ZDHHC15: variants seen among roughly 807,000 people sequenced by gnomAD.
ZDHHC15 encodes palmitoyltransferase ZDHHC15.
ZDHHC15 carries 19 observed loss-of-function variants against 31.7 expected under a neutral mutation model. The observed-to-expected ratio is 0.60, with a 90% CI of 0.42 to 0.88. ZDHHC15 has a LOEUF of 0.88. Among genes scored for constraint, ZDHHC15 ranks in the 40% least tolerant of loss-of-function variants. The pLI, the probability that ZDHHC15 is intolerant of heterozygous loss-of-function variation, is 0.00. For synonymous variants in ZDHHC15, 103 were observed against 90.0 expected (o/e 1.14, Z -0.82); for missense variants, 209 against 251.2 (o/e 0.83, Z 1.14).
At chrX:75,474,663 G>T (rs1011915823) in intron 3 of ZDHHC15, among the ~76,000 whole-genome samples, 8 of 91,597 alleles carry the variant, frequency 8.7e-5, no homozygotes, top group African/African-American at 3.0e-4. Context: ...GATCATTGAG[G>T]TATCTTCTTT....
chrX:75,457,645 T>TCACA (rs35992807), intron 3 of ZDHHC15, among the ~76,000 whole-genome samples: 10,034 of 93,796 alleles, frequency 0.11, 526 homozygotes, highest in African/African-American at 0.19. Context: ...TTATTTACAC[T>TCACA]CACACACACA....
chrX:75,449,348 G>T lies in ZDHHC15; in HGVS notation c.379+1454C>A, dbSNP rs749162090. Among the ~76,000 whole-genome samples the T allele has an allele frequency of 8.1e-5, 9 of 110,471 alleles. No individual in the cohort carries two copies. In the East Asian group the frequency reaches 2.3e-3, roughly 28 times the overall value. The stretch of plus-strand genomic sequence containing the variant: ...CTTCAAATAGTATTTCCTCAGAGAA[G>T]CCTTTCCTATTACTGCCTATCCTGG... On this transcript the variant is annotated intron_variant, in intron 4 of 11. Transcript: ENST00000373367.
chrX:75,456,008 T>C (rs1452140156), intron 3 of ZDHHC15, among the ~76,000 whole-genome samples: 2 of 111,429 alleles, frequency 1.8e-5, no homozygotes, highest in Non-Finnish European at 3.8e-5. Context: ...ACTGGGTATA[T>C]ACCCAAAGGT....
At chrX:75,474,864 T>A (rs1291079157) in intron 3 of ZDHHC15, among the ~76,000 whole-genome samples, 1 of 109,794 alleles carries the variant, frequency 9.1e-6, no homozygotes. Flanking sequence ...GAGACCATCC[T>A]GGCTAACACG....
chrX:75,454,637 G>C (rs1020912040), intron 3 of ZDHHC15, among the ~76,000 whole-genome samples: 1 of 111,681 alleles, frequency 9.0e-6, no homozygotes, highest in African/African-American at 3.3e-5. Context: ...TAACTGGTGT[G>C]AGATGGTATC....
intron 10 of ZDHHC15, among the ~76,000 whole-genome samples, chrX:75,379,864 T>C (rs60697824): frequency 0.017 from 1,907 of 112,282 alleles, 52 homozygotes; most frequent in African/African-American, 0.059. Flanking sequence ...AGTGCTTTCT[T>C]AAGTGTGAAA....
chrX:75,510,305 A>T (rs978331235), intron 1 of ZDHHC15, among the ~76,000 whole-genome samples: 1 of 111,005 alleles, frequency 9.0e-6, no homozygotes, highest in African/African-American at 3.3e-5. Flanking sequence ...CATTGGAGTT[A>T]TATTAGGCAT....
chrX:75,475,638 G>GA (rs2084592403), intron 3 of ZDHHC15, among the ~76,000 whole-genome samples: 1 of 112,044 alleles, frequency 8.9e-6, no homozygotes, highest in Middle Eastern at 4.6e-3. Flanking sequence ...AGTAAATTCT[G>GA]AAATCAGGAA....
rs1167337554 is a variant in ZDHHC15, at chrX:75,369,033, A to G, written c.*3945T>C. The G allele has an allele frequency of 1.8e-5, 2 of 111,663 alleles. No homozygotes were observed. The highest frequency in any genetic ancestry group is 1.9e-4 in the Admixed American group (2 of 10,470). The allele number at this position is 111,663 out of a possible 1,213,427, so 9.2% of individuals were successfully genotyped here. A position where few individuals can be genotyped will look rare whatever the true frequency, so the allele number is the denominator to read the frequency against. On this transcript the variant is annotated 3_prime_UTR_variant, in exon 12 of 12. Coordinates refer to ENST00000373367, the MANE Select transcript of ZDHHC15 (RefSeq NM_144969.3). ...GCAGATGTACCATACCTCATCAACCAATTCCTAACGAGATGGAACTCATTA... is the reference window on the plus strand; with the variant it reads ...GCAGATGTACCATACCTCATCAACCGATTCCTAACGAGATGGAACTCATTA...
chrX:75,419,432 GAA>G (rs2083593335), intron 9 of ZDHHC15, among the ~76,000 whole-genome samples: 2 of 111,271 alleles, frequency 1.8e-5, no homozygotes, highest in South Asian at 7.7e-4. Context: ...TGGCGATCAT[GAA>G]AAAGTCAGGA....
chrX:75,385,945 C>A (rs2083174767), intron 10 of ZDHHC15, among the ~76,000 whole-genome samples: 1 of 111,808 alleles, frequency 8.9e-6, no homozygotes, highest in African/African-American at 3.2e-5. Context: ...ATAAAATACC[C>A]TTGAGCTGAG....
chrX:75,417,042 A>G, intron 10 of ZDHHC15, 45 bp downstream of exon 10: 2 of 1,009,434 alleles, frequency 2.0e-6, no homozygotes, highest in Non-Finnish European at 2.8e-6. Flanking sequence ...ACCACATTAC[A>G]TTGGTTGTAT....
intron 10 of ZDHHC15, among the ~76,000 whole-genome samples, chrX:75,381,670 C>A (rs1055702358): frequency 4.5e-5 from 5 of 111,440 alleles, no homozygotes; most frequent in Non-Finnish European, 9.4e-5. Context: ...ATCATCTGGC[C>A]GTATCTTACC....
chrX:75,489,050 G>A (rs751718665), intron 2 of ZDHHC15, among the ~76,000 whole-genome samples: 2 of 111,777 alleles, frequency 1.8e-5, no homozygotes, highest in South Asian at 3.8e-4. Flanking sequence ...GGGGAGGAGT[G>A]CCCGCCATTG....
At chrX:75,418,826 A>G (rs1401661920) in intron 9 of ZDHHC15, among the ~76,000 whole-genome samples, 1 of 112,585 alleles carries the variant, frequency 8.9e-6, no homozygotes, top group Non-Finnish European at 1.9e-5. Flanking sequence ...TTAAAGATTT[A>G]AATGTAAGAC....
intron 10 of ZDHHC15, among the ~76,000 whole-genome samples, chrX:75,397,152 C>A (rs2083307074): frequency 9.1e-6 from 1 of 110,050 alleles, no homozygotes; most frequent in Non-Finnish European, 1.9e-5. Context: ...CATGGTGAAA[C>A]CCCGTCATTA....
intron 3 of ZDHHC15, among the ~76,000 whole-genome samples, chrX:75,469,875 A>G (rs1884506714): frequency 8.9e-6 from 1 of 111,767 alleles, no homozygotes; most frequent in Admixed American, 9.5e-5. Flanking sequence ...TTACATCTTC[A>G]CCAACACTTG....
In ZDHHC15 at chrX:75,375,045, T is replaced by G. The variant is rs1400023362; in HGVS notation, c.*33-2100A>C. Among the ~76,000 whole-genome samples, 10 of 111,214 alleles carry G rather than the reference T, an allele frequency of 9.0e-5. No individual in the cohort carries two copies. The Admixed American group carries it at 9.6e-4, about 11-fold the overall frequency. ...GATTGTATATTATAAAAGTATATAG[T>G]TTTTTTGTAGTATAAAGGCACAAAA... On this transcript the variant is annotated intron_variant, in intron 11 of 11. Transcript: ENST00000373367.
At chrX:75,506,972 G>A (rs920393655) in intron 1 of ZDHHC15, among the ~76,000 whole-genome samples, 1 of 111,282 alleles carries the variant, frequency 9.0e-6, no homozygotes, top group African/African-American at 3.3e-5. Flanking sequence ...GTGGGTGAGG[G>A]AAAGTCACTT....
Sources: allele counts gnomAD v4.1 joint callset (sites outside exome capture counted in the v4.1 genomes callset), GRCh38; gene constraint gnomAD v4.1.1; transcripts MANE v1.5; gene names NCBI Gene and HGNC (gene_info 2026-07-23, HGNC 2026-07-21).